PPOX: variants seen among roughly 807,000 people sequenced by gnomAD.
PPOX encodes variegate porphyria.
PPOX carries 23 observed loss-of-function variants against 54.1 expected under a neutral mutation model. That is an observed-to-expected ratio of 0.43 (90% CI 0.31 to 0.60). The LOEUF is 0.60. Ranked by LOEUF, PPOX falls within the 20% of genes least tolerant of loss-of-function variation. The probability of loss-of-function intolerance (pLI) is 0.13; values close to 1 mark genes in which losing one functional copy is unlikely to be tolerated. For synonymous variants in PPOX, 224 were observed against 236.1 expected, an observed-to-expected ratio of 0.95 and a Z score of 0.47; for missense variants, 512 against 601.1, an observed-to-expected ratio of 0.85 and a Z score of 1.55.
At chr1:161,168,208 G>A in intron 5 of PPOX, 81 bp downstream of exon 5, 1 of 1,606,492 alleles carries the variant, frequency 6.2e-7, no homozygotes, top group Non-Finnish European at 8.5e-7. Context: ...CCACCTAGGG[G>A]CTCTTCTGTA....
At position 161,171,135 on chromosome 1, in the gene PPOX, C is replaced by A; in HGVS notation, c.1393C>A (p.Gln465Lys). The change falls in exon 13 of 13, where the codon CAG becomes AAG. Residue 465 changes from glutamine to lysine, a missense_variant. Coordinates refer to ENST00000367999, the MANE Select transcript of PPOX (RefSeq NM_001122764.3). ...AVNDCIESGR[Q>K]AAVSVLGTEP... Reference sequence around the variant, plus strand: ...TAATGACTGTATAGAGAGTGGGCGCCAGGCAGCAGTCAGTGTCCTGGGCAC... The same window carrying A: ...TAATGACTGTATAGAGAGTGGGCGCAAGGCAGCAGTCAGTGTCCTGGGCAC... The A allele has an allele frequency of 2.5e-6, 4 of 1,613,698 alleles. No homozygotes were observed.
chr1:161,166,636 C>G lies in PPOX; in HGVS notation c.-45C>G. 1 of 1,467,644 alleles carries G rather than the reference C, an allele frequency of 6.8e-7. No homozygotes were observed. The highest frequency in any genetic ancestry group is 9.0e-7 in the Non-Finnish European group (1 of 1,111,722). 90.9% of individuals were successfully genotyped at this position (1,467,644 alleles called of 1,614,324 possible). A position where few individuals can be genotyped will look rare whatever the true frequency, so the allele number is the denominator to read the frequency against. The stretch of plus-strand genomic sequence containing the variant: ...GGTACGGTCTTAGGACCTCGATCTC[C>G]TTCTCCCTCATTTTCTCTCATCCCT... On this transcript the variant is annotated 5_prime_UTR_variant, in exon 1 of 13. Transcript: ENST00000367999.
chr1:161,172,272 A>G (rs1661729704), downstream of PPOX: 2 of 1,614,044 alleles, frequency 1.2e-6, no homozygotes, highest in Non-Finnish European at 1.7e-6. Flanking sequence ...GTGCTTCACC[A>G]TCTTATAGTG....
downstream of PPOX, chr1:161,175,803 C>T (rs1269447562): frequency 6.2e-7 from 1 of 1,613,540 alleles, no homozygotes; most frequent in East Asian, 2.2e-5. Context: ...TCCTCCTGCA[C>T]TTACCTAAGA....
At chr1:161,176,025 C>T (rs760353167), downstream of PPOX, 2 of 1,614,098 alleles carry the variant, frequency 1.2e-6, no homozygotes, top group East Asian at 4.5e-5. Context: ...CAAGCAGGGC[C>T]AGCGTGCAAG....
At chr1:161,174,410 A>G (rs1418535936), downstream of PPOX, among the ~76,000 whole-genome samples, 1 of 152,042 alleles carries the variant, frequency 6.6e-6, no homozygotes, top group East Asian at 1.9e-4. Flanking sequence ...CTCAAAAAAA[A>G]AAAAAAAGAA....
At chr1:161,166,150 G>GA, upstream of PPOX, 2 of 985,176 alleles carry the variant, frequency 2.0e-6, no homozygotes, top group Non-Finnish European at 2.4e-6. Flanking sequence ...CTTCCCTCTA[G>GA]GGTTGTCACC....
downstream of PPOX, chr1:161,171,668 C>T (rs1209302095): frequency 8.7e-7 from 1 of 1,150,842 alleles, no homozygotes; most frequent in African/African-American, 1.6e-5. Context: ...CAGCTCCAGT[C>T]CAGCAGTGAG....
chr1:161,168,236 C>G, intron 5 of PPOX, 109 bp downstream of exon 5: 1 of 1,573,592 alleles, frequency 6.4e-7, no homozygotes, highest in Non-Finnish European at 8.7e-7. Context: ...GGGATGCCCT[C>G]TTCTCTTCAT....
intron 6 of PPOX, 110 bp downstream of exon 6, chr1:161,168,686 C>T: frequency 2.1e-6 from 3 of 1,410,874 alleles, no homozygotes; most frequent in Non-Finnish European, 2.9e-6. Context: ...GAGACGGAGT[C>T]TTGCTCTGCT....
chr1:161,175,861 C>A, downstream of PPOX: 1 of 1,614,138 alleles, frequency 6.2e-7, no homozygotes, highest in South Asian at 1.1e-5. Context: ...AGCTGGAGGA[C>A]CCCCTGGGGC....
chr1:161,176,340 CA>C, intron 4 of PPOX: 1 of 538,498 alleles, frequency 1.9e-6, no homozygotes, highest in East Asian at 3.1e-5. Flanking sequence ...TCCTCACCCC[CA>C]AAAATGTTTA....
At chr1:161,168,658 ATTCTTTTT>A in intron 6 of PPOX, 82 bp downstream of exon 6, 3 of 1,552,308 alleles carry the variant, frequency 1.9e-6, no homozygotes, top group African/African-American at 1.4e-5. Flanking sequence ...CTATTCAATG[ATTCTTTTT>A]TTCTTTTTTG....
At chr1:161,171,389 G>A, downstream of PPOX, 1 of 823,904 alleles carries the variant, frequency 1.2e-6, no homozygotes, top group Non-Finnish European at 1.9e-6. Flanking sequence ...AGCTATTCCA[G>A]CATAGGCAGA....
chr1:161,177,528 G>C (rs1664079076), downstream of PPOX: 1 of 169,136 alleles, frequency 5.9e-6, no homozygotes, highest in African/African-American at 2.4e-5. Flanking sequence ...GCGTCATGGG[G>C]CGGGGCCTCG....
rs370738994 is a variant in PPOX, at chr1:161,170,921, G to C, written c.1263G>C (p.Gln421His). The C allele has an allele frequency of 5.6e-6, 9 of 1,614,028 alleles. No homozygotes were observed. The highest frequency in any genetic ancestry group is 6.8e-6 in the Non-Finnish European group (8 of 1,180,040). Residue 421 changes from glutamine (Q) to histidine (H), a missense_variant, in exon 12 of 13, where the codon CAG becomes CAC. Physicochemically the swap from Gln to His is conservative, Grantham distance 24. Coordinates refer to ENST00000367999, the MANE Select transcript of PPOX (RefSeq NM_001122764.3). The stretch of plus-strand genomic sequence containing the variant: ...TCTCTTCTCAGAACTGCATTCCCCA[G>C]TATACACTAGGTCACTGGCAAAAAC... ...LVHLHKNCIP[Q>H]YTLGHWQKLE...
intron 4 of PPOX, chr1:161,176,725 C>T: frequency 1.3e-6 from 1 of 751,272 alleles, no homozygotes; most frequent in Non-Finnish European, 2.2e-6. Flanking sequence ...CCTCGCCTAT[C>T]TCCCGTGCTA....
downstream of PPOX, chr1:161,173,672 G>A: frequency 1.2e-6 from 2 of 1,614,162 alleles, no homozygotes; most frequent in South Asian, 2.2e-5. Context: ...TTCATCTTCA[G>A]GTACTGGTCA....
At chr1:161,171,789 A>G, downstream of PPOX, 2 of 1,611,674 alleles carry the variant, frequency 1.2e-6, no homozygotes, top group Non-Finnish European at 1.7e-6. Context: ...ATTCGGTTTC[A>G]TGATTAAGGT....
Sources: gnomAD v4.1 joint callset for allele counts (sites outside exome capture counted in the v4.1 genomes callset) on GRCh38, gnomAD v4.1.1 for gene constraint, MANE v1.5 for transcripts, NCBI Gene and HGNC (gene_info 2026-07-23, HGNC 2026-07-21) for gene names.